Variants in SLC24A3 observed in about 807,000 individuals in gnomAD.
SLC24A3 encodes sodium/potassium/calcium exchanger 3.
A neutral mutation model predicts 75.8 loss-of-function variants in SLC24A3; 28 were observed. The observed-to-expected ratio is 0.37, with a 90% confidence interval of 0.27 to 0.51. The LOEUF (loss-of-function observed/expected upper bound fraction) is 0.51, where lower values mean the gene tolerates loss of function less well. Among genes scored for constraint, SLC24A3 ranks in the 20% least tolerant of loss-of-function variants. SLC24A3 has a pLI of 0.94. For missense variants in SLC24A3, 663 were observed against 847.8 expected (o/e 0.78, Z 2.71); for synonymous variants, 372 against 334.1 (o/e 1.11, Z -1.24).
intron 2 of SLC24A3, among the ~76,000 whole-genome samples, chr20:19,458,929 A>G (rs1054034321): frequency 6.6e-6 from 1 of 152,206 alleles, no homozygotes; most frequent in Non-Finnish European, 1.5e-5. Context: ...ATAACTTGTA[A>G]AACTTGAGAA....
At chr20:19,567,770 G>T (rs1473051624) in intron 3 of SLC24A3, among the ~76,000 whole-genome samples, 2 of 152,092 alleles carry the variant, frequency 1.3e-5, no homozygotes, top group African/African-American at 4.8e-5. Flanking sequence ...TAGAGTGGCT[G>T]AAAAAATAAA....
chr20:19,649,757 A>G (rs1443781157), intron 6 of SLC24A3, among the ~76,000 whole-genome samples: 2 of 152,156 alleles, frequency 1.3e-5, no homozygotes, highest in African/African-American at 4.8e-5. Flanking sequence ...CCTGTAGTGA[A>G]GCATTGTAGT....
At chr20:19,474,173 A>T (rs1036334425) in intron 2 of SLC24A3, among the ~76,000 whole-genome samples, 7 of 152,138 alleles carry the variant, frequency 4.6e-5, no homozygotes, top group Non-Finnish European at 1.0e-4. Flanking sequence ...TACTTCTAAA[A>T]TTCCCTGTCT....
intron 2 of SLC24A3, among the ~76,000 whole-genome samples, chr20:19,401,066 C>A (rs532735973): frequency 6.6e-6 from 1 of 152,220 alleles, no homozygotes; most frequent in African/African-American, 2.4e-5. Flanking sequence ...GTGCTTAGAG[C>A]ATGCCTGGCA....
chr20:19,298,972 T>A (rs73284630), intron 2 of SLC24A3, among the ~76,000 whole-genome samples: 3,063 of 152,160 alleles, frequency 0.02, 41 homozygotes, highest in African/African-American at 0.031. Flanking sequence ...GGAAAAGCAG[T>A]CCCCATGGCC....
intron 2 of SLC24A3, among the ~76,000 whole-genome samples, chr20:19,334,150 G>A (rs528870123): frequency 2.6e-5 from 4 of 152,218 alleles, no homozygotes; most frequent in East Asian, 1.9e-4. Flanking sequence ...CGTTGTCTCC[G>A]TGAGTATGGT....
chr20:19,324,114 C>G (rs1984782855), intron 2 of SLC24A3, among the ~76,000 whole-genome samples: 1 of 152,104 alleles, frequency 6.6e-6, no homozygotes. Context: ...CATGATGTGG[C>G]CTAGGAACAC....
intron 15 of SLC24A3, among the ~76,000 whole-genome samples, chr20:19,701,245 C>T (rs1206222192): frequency 1.3e-5 from 2 of 152,038 alleles, no homozygotes; most frequent in Admixed American, 6.6e-5. Flanking sequence ...CATTCACTTT[C>T]ACCAGCAGTG....
At chr20:19,499,750 G>C (rs1186480281) in intron 2 of SLC24A3, among the ~76,000 whole-genome samples, 1 of 152,146 alleles carries the variant, frequency 6.6e-6, no homozygotes, top group Non-Finnish European at 1.5e-5. Context: ...ACTTGCGTAT[G>C]CATATGTTTG....
intron 2 of SLC24A3, among the ~76,000 whole-genome samples, chr20:19,362,742 A>G (rs1985812992): frequency 6.6e-6 from 1 of 152,140 alleles, no homozygotes; most frequent in African/African-American, 2.4e-5. Flanking sequence ...TACTTCAGCC[A>G]TGCTCCCTAC....
At chr20:19,717,191 G>T (rs770504956) in intron 15 of SLC24A3, among the ~76,000 whole-genome samples, 1 of 152,212 alleles carries the variant, frequency 6.6e-6, no homozygotes, top group African/African-American at 2.4e-5. Context: ...AAAGGAACAC[G>T]TGGACAGGGA....
chr20:19,282,036 G>A (rs577575855), intron 2 of SLC24A3, among the ~76,000 whole-genome samples: 4 of 152,216 alleles, frequency 2.6e-5, no homozygotes, highest in East Asian at 1.9e-4. Context: ...GGAGCTCAAT[G>A]ACATGCTGAT....
chr20:19,281,976 T>C (rs1370208647), intron 2 of SLC24A3, among the ~76,000 whole-genome samples: 1 of 152,180 alleles, frequency 6.6e-6, no homozygotes, highest in Non-Finnish European at 1.5e-5. Context: ...GGGCTTTCTG[T>C]CCTTGCCTGG....
At chr20:19,664,672 C>T (rs1434566317) in intron 7 of SLC24A3, among the ~76,000 whole-genome samples, 1 of 152,204 alleles carries the variant, frequency 6.6e-6, no homozygotes. Context: ...TGGCAGTTGA[C>T]ACCCAGAGTG....
chr20:19,254,133 G>T (rs983441569), intron 1 of SLC24A3, among the ~76,000 whole-genome samples: 1 of 152,156 alleles, frequency 6.6e-6, no homozygotes, highest in Non-Finnish European at 1.5e-5. Context: ...AAATAATCAC[G>T]CCTGTGCCCA....
chr20:19,499,859 T>A (rs536496807), intron 2 of SLC24A3, among the ~76,000 whole-genome samples: 1 of 152,316 alleles, frequency 6.6e-6, no homozygotes, highest in East Asian at 1.9e-4. Context: ...GGATTATACA[T>A]ACATACATGT....
At chr20:19,484,291 A>G (rs1051569296) in intron 2 of SLC24A3, among the ~76,000 whole-genome samples, 1 of 152,212 alleles carries the variant, frequency 6.6e-6, no homozygotes, top group Non-Finnish European at 1.5e-5. Flanking sequence ...ACGTAGCCTA[A>G]AGGTTATTTT....
At position 19,415,644 on chromosome 20, in the gene SLC24A3, T is replaced by TAA. The variant is rs11481890; in HGVS notation, c.272-99832_272-99831dup. Reference sequence around the variant, plus strand: ...GTATCAGTTATACCTCAATAAAGCTTAAAAAAAAAAAAACTGAATCTAGGT... The same window carrying TAA: ...GTATCAGTTATACCTCAATAAAGCTTAAAAAAAAAAAAAAACTGAATCTAGGT... On this transcript the variant is annotated intron_variant, in intron 2 of 16. Transcript: ENST00000328041. 1.3e-4 allele frequency among the ~76,000 whole-genome samples: 18 copies of TAA among 143,308 alleles called. No homozygotes were observed. The East Asian group carries it at 1.4e-3, about 11-fold the overall frequency. 94.0% of individuals were successfully genotyped at this position (143,308 alleles called of 152,430 possible). A position where few individuals can be genotyped will look rare whatever the true frequency, so the allele number is the denominator to read the frequency against.
intron 2 of SLC24A3, among the ~76,000 whole-genome samples, chr20:19,499,510 A>C (rs1988352965): frequency 6.6e-6 from 1 of 152,180 alleles, no homozygotes; most frequent in Non-Finnish European, 1.5e-5. Context: ...GCTGGAGTGC[A>C]GTGGTTCTAT....
Sources: allele counts gnomAD v4.1 joint callset (sites outside exome capture counted in the v4.1 genomes callset), GRCh38; gene constraint gnomAD v4.1.1; transcripts MANE v1.5; gene names NCBI Gene and HGNC (gene_info 2026-07-23, HGNC 2026-07-21).